Variants in C11orf42 observed in about 807,000 individuals in gnomAD.
C11orf42 encodes uncharacterized protein C11orf42.
C11orf42 carries 24 observed loss-of-function variants against 27.9 expected under a neutral mutation model. The ratio of observed to expected loss-of-function variants is 0.86; its 90% CI spans 0.62 to 1.21. The LOEUF (loss-of-function observed/expected upper bound fraction) is 1.21. C11orf42 is among the 50% of genes most tolerant of loss of function. The probability of loss-of-function intolerance (pLI) is 0.00; values close to 1 mark genes in which losing one functional copy is unlikely to be tolerated. For missense variants in C11orf42, 455 were observed against 424.1 expected (o/e 1.07, Z -0.64); for synonymous variants, 187 against 180.8 (o/e 1.03, Z -0.28).
Position 6,210,045 on chromosome 11 carries a change from G to C in C11orf42, c.268G>C (p.Glu90Gln). 1 of 1,614,250 alleles carries C rather than the reference G, an allele frequency of 6.2e-7. No homozygotes were observed. Among genetic ancestry groups the C allele is most frequent in the Non-Finnish European group, 8.5e-7 (1 of 1,180,044 alleles). ...AAGCCTCCTGGAGCAGGCAGGATCT[G>C]AGGGTGCCTTCGCCCACTGCACTCG... ...LPSLLEQAGSEGAFAHCTREY... is the reference protein window; with the variant it reads ...LPSLLEQAGSQGAFAHCTREY... The change falls in exon 2 of 3, where the codon GAG (glutamate) becomes CAG (glutamine). Residue 90 changes from glutamate to glutamine, a missense_variant. Physicochemically the swap from Glu to Gln is conservative, Grantham distance 29 (BLOSUM62 2). Coordinates refer to ENST00000316375, the MANE Select transcript of C11orf42 (RefSeq NM_173525.3). The surrounding 1 kb of genome is among the most constrained non-coding windows in gnomAD (Gnocchi z 4.0).
intron 1 of C11orf42, among the ~76,000 whole-genome samples, chr11:6,209,382 C>A (rs1444090389): frequency 1.3e-5 from 2 of 151,998 alleles, no homozygotes; most frequent in African/African-American, 4.8e-5. Flanking sequence ...CCTAAATGTG[C>A]CCCCCTTGAT....
At chr11:6,205,914 G>C (rs1366658973) in intron 1 of C11orf42, among the ~76,000 whole-genome samples, 1 of 152,132 alleles carries the variant, frequency 6.6e-6, no homozygotes, top group Non-Finnish European at 1.5e-5. Context: ...CAACGTATAG[G>C]GAATTATGAG....
intron 1 of C11orf42, among the ~76,000 whole-genome samples, chr11:6,207,158 T>C (rs1003802540): frequency 6.6e-6 from 1 of 152,184 alleles, no homozygotes; most frequent in South Asian, 2.1e-4. Flanking sequence ...AGAAGTTCAG[T>C]AGGAGCACAT....
chr11:6,207,199 C>T (rs1169277872), intron 1 of C11orf42, among the ~76,000 whole-genome samples: 2 of 152,190 alleles, frequency 1.3e-5, no homozygotes, highest in Non-Finnish European at 2.9e-5. Flanking sequence ...CTACCAAGAA[C>T]ACAGTCTCCC....
At position 6,210,480 on chromosome 11, in the gene C11orf42, C is replaced by CCT. The variant is rs1847040076; in HGVS notation, c.706_707dup (p.Ala237TrpfsTer120). ...CAGACCCAACCTCAGCATCATGCCG[C>CCT]CTCTGGCCCCCACATCAGCACCTGC... On this transcript the variant is annotated frameshift_variant, in exon 2 of 3. Transcript: ENST00000316375. LOFTEE classifies it high-confidence loss of function. The surrounding 1 kb of genome is among the most constrained non-coding windows in gnomAD (Gnocchi z 4.0). The CCT allele has an allele frequency of 3.7e-6, 6 of 1,613,794 alleles. No homozygotes were observed. Among genetic ancestry groups the CCT allele is most frequent in the Non-Finnish European group, 5.1e-6 (6 of 1,179,746 alleles).
At chr11:6,206,654 G>T (rs2133761597) in intron 1 of C11orf42, among the ~76,000 whole-genome samples, 1 of 152,010 alleles carries the variant, frequency 6.6e-6, no homozygotes. Flanking sequence ...TACCACAAAG[G>T]CCAGCTTCCC....
At chr11:6,209,753 G>C in intron 1 of C11orf42, 97 bp from the exon 2 acceptor site, 1 of 1,207,346 alleles carries the variant, frequency 8.3e-7, no homozygotes, top group Non-Finnish European at 1.2e-6. Context: ...ACACATTATA[G>C]AGATGTAACT....
In C11orf42 at chr11:6,211,003, G is replaced by A. The variant is rs772403591; in HGVS notation, c.963G>A (p.Leu321=). Residue 321 remains leucine, a synonymous_variant, in exon 3 of 3, where the codon CTG becomes CTA. Coordinates refer to ENST00000316375, the MANE Select transcript of C11orf42 (RefSeq NM_173525.3). ...DPDGHSMSLP[L]LQGLSSEFDS... The stretch of plus-strand genomic sequence containing the variant: ...ACGGGCACTCCATGTCCCTGCCCCT[G>A]CTGCAGGGTCTATCCTCAGAGTTCG... The A allele has an allele frequency of 6.2e-7, 1 of 1,609,156 alleles. No individual in the cohort carries two copies. The highest frequency in any genetic ancestry group is 1.7e-5 in the Admixed American group (1 of 58,142).
chr11:6,210,155 T>C lies in C11orf42; in HGVS notation c.378T>C (p.His126=), dbSNP rs760535083. The change falls in exon 2 of 3, where the codon CAT becomes CAC. Residue 126 remains histidine, a synonymous_variant. Transcript: ENST00000316375. This position sits in a 1 kb window ranked among gnomAD's most constrained non-coding sequence, Gnocchi z 4.0. ...GACAGCCCTGCAAGATCCGCCTACA[T>C]ATGGGTGACCTGCGCAAGAAGGTTG... ...LDGQPCKIRL[H]MGDLRKKVAF... 4 of 1,614,200 alleles carry C rather than the reference T, an allele frequency of 2.5e-6. No homozygotes were observed. The highest frequency in any genetic ancestry group is 3.4e-6 in the Non-Finnish European group (4 of 1,180,042).
chr11:6,211,040 T>C lies in C11orf42; in HGVS notation c.1000T>C (p.Ter334ArgextTer2), dbSNP rs756239907. ...ATCCTCAGAGTTCGACAGTGACGAC[T>C]GAAGCTGAAGCAAAAGATTCCGGGG... is the stretch of plus-strand genomic sequence containing the variant. Reference protein sequence around the residue: ...GLSSEFDSDD* With the variant: ...GLSSEFDSDDR The change falls in exon 3 of 3, where the codon TGA becomes CGA. Residue 334 changes from the stop codon to arginine, a stop_lost. Coordinates refer to ENST00000316375, the MANE Select transcript of C11orf42 (RefSeq NM_173525.3). 1 of 1,610,150 alleles carries C rather than the reference T, an allele frequency of 6.2e-7. No individual in the cohort carries two copies. The highest frequency in any genetic ancestry group is 1.7e-5 in the Admixed American group (1 of 58,724).
chr11:6,210,676 T>A lies in C11orf42; in HGVS notation c.871+28T>A. On this transcript the variant is annotated intron_variant, in intron 2 of 2. Coordinates refer to ENST00000316375, the MANE Select transcript of C11orf42 (RefSeq NM_173525.3). The surrounding 1 kb of genome is among the most constrained non-coding windows in gnomAD (Gnocchi z 4.0). The stretch of plus-strand genomic sequence containing the variant: ...ACTACTAGGGGAAATGATGATGAGA[T>A]GGATGGGAGGGACAAAGTGAAGGAG... The A allele has an allele frequency of 2.5e-6, 4 of 1,602,634 alleles. No homozygotes were observed. The highest frequency in any genetic ancestry group is 1.7e-5 in the Admixed American group (1 of 58,640).
At chr11:6,209,155 G>A (rs1032406180) in intron 1 of C11orf42, among the ~76,000 whole-genome samples, 9 of 135,194 alleles carry the variant, frequency 6.7e-5, no homozygotes, top group Admixed American at 5.7e-4. Flanking sequence ...CAGCCTAGGC[G>A]ACGAAGGAGA....
chr11:6,210,147 C>A lies in C11orf42; in HGVS notation c.370C>A (p.Arg124Ser), dbSNP rs377456360. The change falls in exon 2 of 3, where the codon CGC (arginine) becomes AGC (serine). Residue 124 changes from arginine (R) to serine (S), a missense_variant. By Grantham distance (110) the Arg-to-Ser change is moderately radical. Coordinates refer to ENST00000316375, the MANE Select transcript of C11orf42 (RefSeq NM_173525.3). This position sits in a 1 kb window ranked among gnomAD's most constrained non-coding sequence, Gnocchi z 4.0. ...RMLDGQPCKI[R>S]LHMGDLRKKV... ...GTTGGATGGACAGCCCTGCAAGATC[C>A]GCCTACATATGGGTGACCTGCGCAA... The A allele has an allele frequency of 6.2e-7, 1 of 1,614,194 alleles. No homozygotes were observed. The highest frequency in any genetic ancestry group is 1.1e-5 in the South Asian group (1 of 91,090).
chr11:6,210,385 A>T lies in C11orf42; in HGVS notation c.608A>T (p.Gln203Leu), dbSNP rs370297510. 2.5e-6 allele frequency: 4 copies of T among 1,614,028 alleles called. No homozygotes were observed. The African/African-American group carries it at 5.3e-5, about 22-fold the overall frequency. ...VAFSCLKFSL[Q>L]SKGVLGPQKP... Reference sequence around the variant, plus strand: ...TTCTCCTGCCTCAAGTTTTCACTGCAGTCTAAGGGCGTGCTGGGACCACAG... The same window carrying T: ...TTCTCCTGCCTCAAGTTTTCACTGCTGTCTAAGGGCGTGCTGGGACCACAG... The change falls in exon 2 of 3, where the codon CAG becomes CTG. Residue 203 changes from glutamine to leucine, a missense_variant. By Grantham distance (113) the Gln-to-Leu change is moderately radical. Transcript: ENST00000316375. This position sits in a 1 kb window ranked among gnomAD's most constrained non-coding sequence, Gnocchi z 4.0.
chr11:6,209,966 G>A lies in C11orf42; in HGVS notation c.189G>A (p.Leu63=). 5 of 1,613,580 alleles carry A rather than the reference G, an allele frequency of 3.1e-6. No individual in the cohort carries two copies. The highest frequency in any genetic ancestry group is 1.1e-5 in the South Asian group (1 of 91,088). Residue 63 remains leucine, a synonymous_variant, in exon 2 of 3, where the codon CTG becomes CTA. Transcript: ENST00000316375. ...AGTCCCGCCCAGCCCATACCCGCCT[G>A]GCTTTGCCAGGTCGGCAGGGCCGGA... The part of the protein sequence containing the change: ...VKQSRPAHTR[L]ALPGRQGRRA...
intron 1 of C11orf42, among the ~76,000 whole-genome samples, chr11:6,209,050 C>A (rs1045221808): frequency 4.6e-5 from 7 of 151,754 alleles, no homozygotes; most frequent in African/African-American, 1.5e-4. Flanking sequence ...GTGGTGGGTG[C>A]CTGTAGTTCC....
At position 6,210,372 on chromosome 11, in the gene C11orf42, A is replaced by G; in HGVS notation, c.595A>G (p.Lys199Glu). The G allele has an allele frequency of 6.2e-7, 1 of 1,614,086 alleles. No individual in the cohort carries two copies. The highest frequency in any genetic ancestry group is 8.5e-7 in the Non-Finnish European group (1 of 1,180,002). ...RSLPVAFSCL[K>E]FSLQSKGVLG... is the part of the protein sequence containing the mutation. ...ATTACCTGTTGCCTTCTCCTGCCTC[A>G]AGTTTTCACTGCAGTCTAAGGGCGT... Residue 199 changes from lysine (K) to glutamate (E), a missense_variant, in exon 2 of 3, where the codon AAG becomes GAG. By Grantham distance (56) the Lys-to-Glu change is moderately conservative. Coordinates refer to ENST00000316375, the MANE Select transcript of C11orf42 (RefSeq NM_173525.3). The surrounding 1 kb of genome is among the most constrained non-coding windows in gnomAD (Gnocchi z 4.0).
rs1281490911 is a variant in C11orf42, at chr11:6,210,272, CTT to C, written c.496_497del (p.Phe166LeufsTer15). ...ACAGCATCTATGTCATCTACCAGGT[CTT>C]CTCTTGTTCCTGGCTGCAGCTGGGG... is the stretch of plus-strand genomic sequence containing the variant. ...THSIYVIYQV[F>X]SCSWLQLGLT... On this transcript the variant is annotated frameshift_variant, in exon 2 of 3. Transcript: ENST00000316375. LOFTEE classifies it high-confidence loss of function. The surrounding 1 kb of genome is among the most constrained non-coding windows in gnomAD (Gnocchi z 4.0). The C allele has an allele frequency of 1.2e-6, 2 of 1,614,218 alleles. No individual in the cohort carries two copies. Among genetic ancestry groups the C allele is most frequent in the East Asian group, 4.5e-5 (2 of 44,886 alleles).
chr11:6,207,652 A>G (rs886138857), intron 1 of C11orf42, among the ~76,000 whole-genome samples: 16 of 152,204 alleles, frequency 1.1e-4, no homozygotes, highest in Non-Finnish European at 2.1e-4. Flanking sequence ...TTTCCAGTGA[A>G]GCAAAGGAGA....
Sources: allele counts gnomAD v4.1 joint callset (sites outside exome capture counted in the v4.1 genomes callset), GRCh38; gene constraint gnomAD v4.1.1; non-coding constraint Gnocchi (gnomAD v3.1); transcripts MANE v1.5; gene names NCBI Gene and HGNC (gene_info 2026-07-23, HGNC 2026-07-21).